The following MBTPS1 variants were observed in gnomAD, a reference collection of about 807,000 sequenced individuals.
MBTPS1 encodes the protein membrane bound transcription factor peptidase, site 1.
A neutral mutation model predicts 127.8 loss-of-function variants in MBTPS1; 94 were observed. The observed-to-expected ratio is 0.74, with a 90% CI of 0.62 to 0.87. The LOEUF is 0.87. MBTPS1 is among the 40% of genes least tolerant of loss of function. The pLI is 0.00. For synonymous variants in MBTPS1, 632 were observed against 509.4 expected (o/e 1.24, Z -3.24); for missense variants, 1,636 against 1,353.2 (o/e 1.21, Z -3.28).
intron 18 of MBTPS1, among the ~76,000 whole-genome samples, chr16:84,064,320 A>G (rs1450067102): frequency 1.3e-5 from 2 of 152,130 alleles, no homozygotes; most frequent in East Asian, 3.8e-4. Context: ...TCTTTGGAAG[A>G]GGGAAGCAGT....
intron 20 of MBTPS1, 51 bp downstream of exon 20, chr16:84,060,631 T>C: frequency 6.3e-7 from 1 of 1,586,682 alleles, no homozygotes. Flanking sequence ...AGTAGCATCA[T>C]GTTCAGCTGG....
At position 84,093,180 on chromosome 16, in the gene MBTPS1, A is replaced by G; in HGVS notation, c.846+8T>C. The G allele has an allele frequency of 1.9e-6, 3 of 1,586,436 alleles. No homozygotes were observed. The highest frequency in any genetic ancestry group is 2.6e-6 in the Non-Finnish European group (3 of 1,154,704). On this transcript the variant is annotated splice_region_variant and intron_variant, in intron 6 of 22. Transcript: ENST00000343411. Reference sequence around the variant, plus strand: ...TCCTCAAGTTTCAGGAGTCCTCAAAACACCTACCTGATTATTGGTAAAGAC... The same window carrying G: ...TCCTCAAGTTTCAGGAGTCCTCAAAGCACCTACCTGATTATTGGTAAAGAC...
chr16:84,077,745 T>C (rs1268677124), intron 11 of MBTPS1, among the ~76,000 whole-genome samples: 1 of 152,050 alleles, frequency 6.6e-6, no homozygotes, highest in Non-Finnish European at 1.5e-5. Flanking sequence ...GTAACAAATG[T>C]GACTATTAAA....
Position 84,078,368 on chromosome 16 carries a change from C to T in MBTPS1, c.1448+3379G>A, listed in dbSNP as rs1397397387. On this transcript the variant is annotated intron_variant, in intron 11 of 22. Coordinates refer to ENST00000343411, the MANE Select transcript of MBTPS1 (RefSeq NM_003791.4). ...TGCCACCTTACCTAACAGAGCTACC[C>T]GATGCTCTCAACCCAGACCAGCAGT... 4.3e-5 allele frequency among the ~76,000 whole-genome samples: 4 copies of T among 93,126 alleles called. No homozygotes were observed. In the South Asian group the frequency reaches 1.5e-3, roughly 34 times the overall value. 61.1% of individuals were successfully genotyped at this position (93,126 alleles called of 152,430 possible).
intron 21 of MBTPS1, among the ~76,000 whole-genome samples, chr16:84,058,301 C>T (rs1175838533): frequency 1.3e-5 from 2 of 152,238 alleles, no homozygotes; most frequent in African/African-American, 4.8e-5. Context: ...CACACGGGCA[C>T]TCTCCTCTTC....
chr16:84,107,542 G>C (rs80139892), intron 1 of MBTPS1, among the ~76,000 whole-genome samples: 1 of 152,158 alleles, frequency 6.6e-6, no homozygotes, highest in East Asian at 1.9e-4. Flanking sequence ...AACAGATCCT[G>C]AGGTTTCTAT....
At chr16:84,076,328 C>A (rs1241945478) in intron 11 of MBTPS1, among the ~76,000 whole-genome samples, 1 of 151,926 alleles carries the variant, frequency 6.6e-6, no homozygotes, top group Non-Finnish European at 1.5e-5. Flanking sequence ...AGGGATAAAT[C>A]CAGCATCTTA....
chr16:84,107,190 G>C (rs188586835), intron 1 of MBTPS1, among the ~76,000 whole-genome samples: 2 of 152,258 alleles, frequency 1.3e-5, no homozygotes, highest in Admixed American at 1.3e-4. Flanking sequence ...AAGGAAGGTG[G>C]GCAAGCTGAA....
At chr16:84,091,132 G>A (rs2086100158) in intron 7 of MBTPS1, among the ~76,000 whole-genome samples, 190 bp from the exon 8 acceptor site, 1 of 152,174 alleles carries the variant, frequency 6.6e-6, no homozygotes, top group African/African-American at 2.4e-5. Flanking sequence ...AGCACGCAGT[G>A]CACAGAGCAG....
chr16:84,067,170 C>G (rs2085697440), intron 16 of MBTPS1, among the ~76,000 whole-genome samples: 1 of 152,018 alleles, frequency 6.6e-6, no homozygotes, highest in South Asian at 2.1e-4. Flanking sequence ...TATATATACT[C>G]AGTAACAGAG....
At chr16:84,056,414 T>C in intron 21 of MBTPS1, 2 of 299,838 alleles carry the variant, frequency 6.7e-6, no homozygotes, top group East Asian at 1.5e-4. Flanking sequence ...AAGCTAAACA[T>C]GACCAAGCGC....
Position 84,054,092 on chromosome 16 carries a change from C to G in MBTPS1, c.*357G>C, listed in dbSNP as rs563694231. 5.5e-6 allele frequency: 1 copy of G among 181,528 alleles called. No individual in the cohort carries two copies. Among genetic ancestry groups the G allele is most frequent in the African/African-American group, 2.3e-5 (1 of 42,766 alleles). 11.2% of individuals were successfully genotyped at this position (181,528 alleles called of 1,614,324 possible). A position where few individuals can be genotyped will look rare whatever the true frequency, so the allele number is the denominator to read the frequency against. On this transcript the variant is annotated 3_prime_UTR_variant, in exon 23 of 23. Coordinates refer to ENST00000343411, the MANE Select transcript of MBTPS1 (RefSeq NM_003791.4). ...ATAGAAAATAGCCTTTAACAAGCGT[C>G]TTTTAGCTTGGTCAGGGTTGTATCA...
At chr16:84,114,568 C>T (rs1209369206) in intron 1 of MBTPS1, among the ~76,000 whole-genome samples, 3 of 151,924 alleles carry the variant, frequency 2.0e-5, no homozygotes, top group Non-Finnish European at 4.4e-5. Flanking sequence ...CGGTAGCTCA[C>T]GCCTGTAATC....
At chr16:84,059,181 G>A in intron 21 of MBTPS1, 121 bp downstream of exon 21, 1 of 1,325,122 alleles carries the variant, frequency 7.5e-7, no homozygotes, top group Non-Finnish European at 1.0e-6. Context: ...TGTCGCAAAT[G>A]ACAAGCTTGA....
chr16:84,060,013 T>C (rs890828574), intron 20 of MBTPS1: 2 of 152,604 alleles, frequency 1.3e-5, no homozygotes, highest in African/African-American at 4.8e-5. Context: ...TCCTGGAAAA[T>C]TTTAAATGAT....
At chr16:84,063,738 C>T (rs544762015) in intron 18 of MBTPS1, among the ~76,000 whole-genome samples, 22 of 152,152 alleles carry the variant, frequency 1.4e-4, no homozygotes, top group Admixed American at 2.0e-4. Context: ...TGCAAAGGTG[C>T]TGCCTCTATC....
rs1567479074 is a variant in MBTPS1, at chr16:84,070,587, C to A, written c.1782+1G>T. On this transcript the variant is annotated splice_donor_variant, in intron 13 of 22. Coordinates refer to ENST00000343411, the MANE Select transcript of MBTPS1 (RefSeq NM_003791.4). LOFTEE classifies it high-confidence loss of function. ...CAAGCCACTTTCCCGCATATCCCTA[C>A]CTCTGTCTCTGCTGGGGAAGCCACA... The A allele has an allele frequency of 6.2e-7, 1 of 1,611,670 alleles. No individual in the cohort carries two copies.
chr16:84,066,390 G>T, intron 17 of MBTPS1, 99 bp downstream of exon 17: 1 of 1,281,464 alleles, frequency 7.8e-7, no homozygotes, highest in Non-Finnish European at 1.1e-6. Flanking sequence ...CCAGCTAACT[G>T]AGGGATCACC....
chr16:84,098,265 G>A (rs2086205413), intron 3 of MBTPS1, among the ~76,000 whole-genome samples: 1 of 152,138 alleles, frequency 6.6e-6, no homozygotes, highest in Admixed American at 6.5e-5. Flanking sequence ...TGGTCAGGAG[G>A]CTTTGACAAA....
Sources: gnomAD v4.1 joint callset for allele counts (sites outside exome capture counted in the v4.1 genomes callset) on GRCh38, gnomAD v4.1.1 for gene constraint, MANE v1.5 for transcripts, NCBI Gene and HGNC (gene_info 2026-07-23, HGNC 2026-07-21) for gene names.